Variants in CCDC57 observed in about 807,000 individuals in gnomAD.
CCDC57 encodes the protein coiled-coil domain-containing protein 57.
A neutral mutation model predicts 118.9 loss-of-function variants in CCDC57; 118 were observed. The observed-to-expected ratio is 0.99, with a 90% CI of 0.86 to 1.16. The LOEUF (loss-of-function observed/expected upper bound fraction) is 1.16, where lower values mean the gene tolerates loss of function less well. Among genes scored for constraint, CCDC57 ranks in the 50% most tolerant of loss-of-function variants. The pLI is 0.00. For missense variants in CCDC57, 1,300 were observed against 1,320.7 expected, an observed-to-expected ratio of 0.98 and a Z score of 0.24; for synonymous variants, 527 against 532.9, an observed-to-expected ratio of 0.99 and a Z score of 0.15.
chr17:82,155,788 C>T (rs1350779373), intron 15 of CCDC57: 1 of 152,254 alleles, frequency 6.6e-6, no homozygotes, highest in African/African-American at 2.4e-5. Flanking sequence ...AGCCATGCTG[C>T]TTGGCAGAGG....
intron 9 of CCDC57, among the ~76,000 whole-genome samples, chr17:82,181,157 T>C (rs2046163819): frequency 6.6e-6 from 1 of 152,230 alleles, no homozygotes; most frequent in Admixed American, 6.5e-5. Flanking sequence ...ACCTGGGATC[T>C]GTGCAGGGAT....
rs114584407 is a variant in CCDC57 at position 82,124,535 on chromosome 17, G to A, written c.2899+3157C>T. On this transcript the variant is annotated intron_variant, in intron 19 of 19. Transcript: ENST00000665763. The stretch of plus-strand genomic sequence containing the variant: ...AGGCCAGGCACGGTGGCTCATGCCC[G>A]TAATCCCAGCACTTTGAGAGCGTAA... 4.9e-3 allele frequency among the ~76,000 whole-genome samples: 747 copies of A among 152,254 alleles called. 6 individuals carry two copies. Among genetic ancestry groups the A allele is most frequent in the African/African-American group, 0.017 (722 of 41,536 alleles).
chr17:82,117,177 C>A (rs931823931), intron 19 of CCDC57, among the ~76,000 whole-genome samples: 1 of 151,588 alleles, frequency 6.6e-6, no homozygotes, highest in African/African-American at 2.4e-5. Context: ...ATGGGGAAAA[C>A]CCATCTCTAC....
intron 16 of CCDC57, among the ~76,000 whole-genome samples, chr17:82,143,430 C>T (rs114142984): frequency 3.3e-5 from 5 of 152,202 alleles, no homozygotes; most frequent in African/African-American, 9.6e-5. Context: ...TTCCAGACAG[C>T]GACCTTTGAG....
intron 15 of CCDC57, chr17:82,153,338 A>G (rs2042293396): frequency 6.6e-6 from 1 of 152,270 alleles, no homozygotes; most frequent in South Asian, 2.1e-4. Flanking sequence ...AAGAAAGAAC[A>G]ATCCCGAAAA....
chr17:82,114,496 A>C (rs902987978), intron 19 of CCDC57, among the ~76,000 whole-genome samples: 2 of 152,240 alleles, frequency 1.3e-5, no homozygotes, highest in Admixed American at 1.3e-4. Context: ...AAAGGCCCAG[A>C]ACAGTCTCAG....
exon 13 of CCDC57, chr17:82,171,796 A>T: frequency 6.2e-7 from 1 of 1,613,974 alleles, no homozygotes; most frequent in Non-Finnish European, 8.5e-7. Context: ...ATGCTTTTCC[A>T]GAGTTTTAAA....
chr17:82,125,856 C>T (rs753047782), intron 19 of CCDC57, among the ~76,000 whole-genome samples: 3 of 152,054 alleles, frequency 2.0e-5, no homozygotes, highest in Non-Finnish European at 4.4e-5. Context: ...TGAGAGTGGC[C>T]GAACGAACCG....
chr17:82,175,482 C>T (rs1194597760), intron 11 of CCDC57: 2 of 152,266 alleles, frequency 1.3e-5, no homozygotes, highest in African/African-American at 2.4e-5. Flanking sequence ...CCTTTGCTCA[C>T]TGAGATGAAT....
chr17:82,178,890 T>G, intron 10 of CCDC57, 137 bp downstream of exon 9: 1 of 1,026,474 alleles, frequency 9.7e-7, no homozygotes, highest in Non-Finnish European at 1.4e-6. Context: ...ATTACTCTAA[T>G]TTATTACTCT....
rs549009875 is a variant in CCDC57 at position 82,177,760 on chromosome 17, CTTG to C, written c.1506+711_1506+713del. On this transcript the variant is annotated intron_variant, in intron 11 of 19. Coordinates refer to ENST00000665763, the Ensembl canonical transcript of CCDC57. ...GCAGGGGCAGGGACTCTTGGGTGGT[CTTG>C]TTGGGGTGGGGGTGCTTGGGCACAC... Among the ~76,000 whole-genome samples, 97 of 152,238 alleles carry C rather than the reference CTTG, an allele frequency of 6.4e-4. 1 individual carries two copies. Among genetic ancestry groups the C allele is most frequent in the African/African-American group, 2.1e-3 (86 of 41,548 alleles).
At chr17:82,195,930 C>T (rs892964798) in intron 4 of CCDC57, among the ~76,000 whole-genome samples, 11 of 152,212 alleles carry the variant, frequency 7.2e-5, no homozygotes, top group African/African-American at 2.7e-4. Flanking sequence ...CGTCACGTTT[C>T]CTTCTTTCCA....
chr17:82,190,474 C>T lies in CCDC57; in HGVS notation c.852-2055G>A, dbSNP rs184859614. 6.9e-4 allele frequency among the ~76,000 whole-genome samples: 105 copies of T among 152,150 alleles called. 1 individual carries two copies. The highest frequency in any genetic ancestry group is 6.8e-3 in the Admixed American group (104 of 15,274). ...ACTTTGGGAGGCCGAGGTGCGCGGA[C>T]CACTTGAGGACAAGAGTTTGAGACC... On this transcript the variant is annotated intron_variant, in intron 7 of 19. Coordinates refer to ENST00000665763, the Ensembl canonical transcript of CCDC57.
chr17:82,164,698 T>G (rs1036248251), intron 13 of CCDC57, among the ~76,000 whole-genome samples: 2 of 152,154 alleles, frequency 1.3e-5, no homozygotes, highest in Admixed American at 6.5e-5. Flanking sequence ...GGACAATTTC[T>G]TAGTAAAATA....
chr17:82,126,861 G>A (rs2037505113), intron 19 of CCDC57: 1 of 985,226 alleles, frequency 1.0e-6, no homozygotes, highest in Non-Finnish European at 1.2e-6. Flanking sequence ...AATGAATGAG[G>A]CACACCCTCA....
chr17:82,102,560 T>G (rs971516963), intron 19 of CCDC57, among the ~76,000 whole-genome samples: 4 of 152,212 alleles, frequency 2.6e-5, no homozygotes, highest in Non-Finnish European at 4.4e-5. Flanking sequence ...GGGTTTTTTT[T>G]GGTAAAACAA....
intron 19 of CCDC57, among the ~76,000 whole-genome samples, chr17:82,116,500 G>T (rs574143007): frequency 6.6e-6 from 1 of 151,712 alleles, no homozygotes; most frequent in Non-Finnish European, 1.5e-5. Context: ...CAGCACAGCC[G>T]AATTCCTCAG....
intron 3 of CCDC57, 36 bp from the exon 3 acceptor site, chr17:82,198,458 C>A: frequency 7.3e-7 from 1 of 1,367,910 alleles, no homozygotes; most frequent in Non-Finnish European, 1.0e-6. Context: ...AAAGCCATAC[C>A]AAATATTCAG....
At chr17:82,198,056 T>C (rs911896297) in intron 4 of CCDC57, among the ~76,000 whole-genome samples, 2 of 152,176 alleles carry the variant, frequency 1.3e-5, no homozygotes, top group Non-Finnish European at 2.9e-5. Context: ...CTATTGCCTG[T>C]TTCCCTGGAG....
Sources: allele counts gnomAD v4.1 joint callset (sites outside exome capture counted in the v4.1 genomes callset), GRCh38; gene constraint gnomAD v4.1.1; transcripts MANE v1.5; gene names NCBI Gene and HGNC (gene_info 2026-07-23, HGNC 2026-07-21).